KCNAB2: variants seen among roughly 807,000 people sequenced by gnomAD.
KCNAB2 encodes the protein voltage-gated potassium channel subunit beta-2.
A neutral mutation model predicts 63.6 loss-of-function variants in KCNAB2; 29 were observed. The observed-to-expected ratio is 0.46, with a 90% CI of 0.34 to 0.62. The LOEUF is 0.62. Ranked by LOEUF, KCNAB2 falls within the 20% of genes least tolerant of loss-of-function variation. The pLI, the probability that KCNAB2 is intolerant of heterozygous loss-of-function variation, is 0.01. For missense variants in KCNAB2, 359 were observed against 563.9 expected, an observed-to-expected ratio of 0.64 and a Z score of 3.68; for synonymous variants, 222 against 224.2, an observed-to-expected ratio of 0.99 and a Z score of 0.09.
At chr1:6,088,978 G>A (rs924193368) in intron 7 of KCNAB2, 30 bp from the exon 8 acceptor site, 11 of 1,547,424 alleles carry the variant, frequency 7.1e-6, no homozygotes, top group East Asian at 2.5e-5. Context: ...AACCGCTGGT[G>A]ACATCACACG....
At chr1:6,030,817 T>G (rs1271682412), upstream of KCNAB2, among the ~76,000 whole-genome samples, 1 of 151,808 alleles carries the variant, frequency 6.6e-6, no homozygotes, top group Non-Finnish European at 1.5e-5. Context: ...TGTGTGTATA[T>G]GTGTGTATGT....
chr1:6,042,843 A>ACCCCC (rs1157271557), upstream of KCNAB2, among the ~76,000 whole-genome samples: 9 of 29,024 alleles, frequency 3.1e-4, no homozygotes, highest in Admixed American at 1.6e-3. Context: ...CCCACTCCCC[A>ACCCCC]CCCCCCCCCC....
At chr1:6,006,848 C>T (rs546791296) in intron 1 of KCNAB2, among the ~76,000 whole-genome samples, 21 of 151,450 alleles carry the variant, frequency 1.4e-4, no homozygotes, top group African/African-American at 4.9e-4. Context: ...TTCCCCTCAA[C>T]TTCTTCCAAG....
intron 1 of KCNAB2, among the ~76,000 whole-genome samples, chr1:6,021,764 A>G (rs1032820803): frequency 6.6e-6 from 1 of 150,822 alleles, no homozygotes; most frequent in African/African-American, 2.4e-5. Context: ...TGTACAGTTC[A>G]ATGGTATTGA....
At chr1:6,054,023 G>T (rs918019927) in intron 2 of KCNAB2, among the ~76,000 whole-genome samples, 50 of 149,392 alleles carry the variant, frequency 3.3e-4, no homozygotes, top group Non-Finnish European at 5.8e-4. Context: ...AGCCTGGGCG[G>T]CAGAGTGAGA....
chr1:6,044,781 G>A (rs191458246), upstream of KCNAB2, among the ~76,000 whole-genome samples: 13 of 152,262 alleles, frequency 8.5e-5, no homozygotes, highest in Non-Finnish European at 1.3e-4. Flanking sequence ...GGTGCAGGAC[G>A]GCTGAGCTCC....
intron 2 of KCNAB2, among the ~76,000 whole-genome samples, chr1:6,063,770 C>G (rs1014496146): frequency 6.6e-6 from 1 of 152,180 alleles, no homozygotes; most frequent in Non-Finnish European, 1.5e-5. Context: ...CATCCTGTTT[C>G]TCCATTTGTC....
At chr1:6,015,314 G>A (rs1249264468) in intron 1 of KCNAB2, among the ~76,000 whole-genome samples, 3 of 152,172 alleles carry the variant, frequency 2.0e-5, no homozygotes, top group African/African-American at 7.2e-5. Flanking sequence ...ACAGGCGTGA[G>A]CCCCTGTGCC....
intron 1 of KCNAB2, among the ~76,000 whole-genome samples, chr1:6,048,317 C>A (rs756096): frequency 0.18 from 26,799 of 152,174 alleles, 2,485 homozygotes; most frequent in Middle Eastern, 0.27. Context: ...CCCACGCCCC[C>A]CAACAGACTG....
upstream of KCNAB2, chr1:6,041,813 C>T (rs774586580): frequency 1.9e-6 from 3 of 1,610,702 alleles, no homozygotes; most frequent in South Asian, 3.3e-5. Context: ...TTTCTCTTTT[C>T]TCCATTGCTG....
intron 1 of KCNAB2, among the ~76,000 whole-genome samples, chr1:6,036,309 C>A (rs1017207439): frequency 1.6e-4 from 25 of 152,030 alleles, no homozygotes; most frequent in Non-Finnish European, 3.4e-4. Context: ...TGGAGACCAG[C>A]CTGGCCAACA....
rs1397683486 is a variant in KCNAB2 at position 5,994,509 on chromosome 1, C to G, written c.-53+1721C>G. Among the ~76,000 whole-genome samples the G allele has an allele frequency of 6.6e-6, 1 of 152,212 alleles. No individual in the cohort carries two copies. The highest frequency in any genetic ancestry group is 1.5e-5 in the Non-Finnish European group (1 of 68,038). On this transcript the variant is annotated intron_variant, in intron 1 of 16. Coordinates refer to the KCNAB2 transcript ENST00000341524. This position sits in a 1 kb window ranked among gnomAD's most constrained non-coding sequence, Gnocchi z 5.4. ...TCGAGAGCAGCATGGTAGGGGCTTC[C>G]CTGTTGACACCCAGGGCCATTTTTT... is the stretch of plus-strand genomic sequence containing the variant.
chr1:6,000,554 G>A lies in KCNAB2; in HGVS notation c.-53+7766G>A, dbSNP rs1030626344. Among the ~76,000 whole-genome samples, 12 of 152,022 alleles carry A rather than the reference G, an allele frequency of 7.9e-5. No homozygotes were observed. In the South Asian group the frequency reaches 8.3e-4, roughly 11 times the overall value. On this transcript the variant is annotated intron_variant, in intron 1 of 16. Coordinates refer to the KCNAB2 transcript ENST00000341524. Reference sequence around the variant, plus strand: ...AGATGGGTCTGGGGAGGCCACTGGGGCAGGCGAGCCCGCTCCTGTGAGGAG... The same window carrying A: ...AGATGGGTCTGGGGAGGCCACTGGGACAGGCGAGCCCGCTCCTGTGAGGAG...
rs145234474 is a variant in KCNAB2, at chr1:6,022,646, T to G, written c.-52-17871T>G. 3.6e-3 allele frequency among the ~76,000 whole-genome samples: 554 copies of G among 152,244 alleles called. 4 individuals are homozygous for G. The highest frequency in any genetic ancestry group is 0.013 in the African/African-American group (526 of 41,534). On this transcript the variant is annotated intron_variant, in intron 1 of 16. Transcript: ENST00000341524. The stretch of plus-strand genomic sequence containing the variant: ...GTCCCCATTAAACTGGAACTTCCCA[T>G]TCCCCCTCCCCTGCCCCTGAGGGCC...
rs928106543 is a variant in KCNAB2 at position 6,065,802 on chromosome 1, C to T, written c.219-6953C>T. On this transcript the variant is annotated intron_variant, in intron 2 of 15. Coordinates refer to ENST00000378083, the MANE Select transcript of KCNAB2 (RefSeq NM_001199862.2). ...AGAGATGTGAGGGGAGGAGAAAATG[C>T]GCACCCCCCAACCTCCAGCCGCGCT... is the stretch of plus-strand genomic sequence containing the variant. 2.6e-5 allele frequency among the ~76,000 whole-genome samples: 4 copies of T among 152,194 alleles called. No individual in the cohort carries two copies. The South Asian group carries it at 6.2e-4, about 24-fold the overall frequency.
At chr1:6,004,981 T>TAGAGTGGGGGACATG (rs1557920905) in intron 1 of KCNAB2, among the ~76,000 whole-genome samples, 4 of 115,378 alleles carry the variant, frequency 3.5e-5, no homozygotes, top group Non-Finnish European at 7.7e-5. Context: ...GGGATGAGGG[T>TAGAGTGGGGGACATG]GCAGGCAGAG....
chr1:6,061,241 G>C (rs1036514275), intron 2 of KCNAB2, among the ~76,000 whole-genome samples: 7 of 152,252 alleles, frequency 4.6e-5, no homozygotes, highest in African/African-American at 1.7e-4. Context: ...GTACCGGAGA[G>C]ACAGAAAAAG....
At chr1:6,061,674 C>G (rs1453047367) in intron 2 of KCNAB2, among the ~76,000 whole-genome samples, 1 of 152,206 alleles carries the variant, frequency 6.6e-6, no homozygotes, top group Non-Finnish European at 1.5e-5. Flanking sequence ...GTAACATGCA[C>G]TGATACAGAG....
At position 6,099,702 on chromosome 1, in the gene KCNAB2, T is replaced by C; in HGVS notation, c.*1128T>C. On this transcript the variant is annotated 3_prime_UTR_variant, in exon 16 of 16. Transcript: ENST00000378083. ...CTTTGGGGTTTTCTGTGCCCATGAC[T>C]TGGGGGCTGCACCCCCACAGCACCC... 2 of 1,399,172 alleles carry C rather than the reference T, an allele frequency of 1.4e-6. No individual in the cohort carries two copies. Among genetic ancestry groups the C allele is most frequent in the Non-Finnish European group, 1.9e-6 (2 of 1,059,946 alleles). 86.7% of individuals were successfully genotyped at this position (1,399,172 alleles called of 1,614,324 possible).
Sources: gnomAD v4.1 joint callset for allele counts (sites outside exome capture counted in the v4.1 genomes callset) on GRCh38, gnomAD v4.1.1 for gene constraint, Gnocchi (gnomAD v3.1) non-coding constraint, MANE v1.5 for transcripts, NCBI Gene and HGNC (gene_info 2026-07-23, HGNC 2026-07-21) for gene names.